Variants in AP1G1 observed in about 807,000 individuals in gnomAD.
AP1G1 encodes adaptor related protein complex 1 subunit gamma 1.
In AP1G1, 7 loss-of-function variants were observed where a neutral mutation model predicts 108.3. The ratio of observed to expected loss-of-function variants is 0.06; its 90% confidence interval spans 0.04 to 0.12. The LOEUF is 0.12. Among genes scored for constraint, AP1G1 ranks in the 10% least tolerant of loss-of-function variants. The pLI is 1.00. For synonymous variants in AP1G1, 379 were observed against 353.5 expected (o/e 1.07, Z -0.81); for missense variants, 756 against 1,010.7 (o/e 0.75, Z 3.42).
At chr16:71,789,131 T>C (rs1438620460) in intron 2 of AP1G1, 148 bp downstream of exon 2, 3 of 705,382 alleles carry the variant, frequency 4.3e-6, no homozygotes, top group East Asian at 5.4e-5. Flanking sequence ...TCCAGGTCTG[T>C]GGCTTGCTCT....
rs887221902 is a variant in AP1G1 at position 71,749,756 on chromosome 16, G to A, written c.1497+138C>T. ...TGCTCCCATCTCAGCCTCCCAAAGC[G>A]CTGGGATTATAGGCATGAGCCACCA... On this transcript the variant is annotated intron_variant, in intron 15 of 22. Transcript: ENST00000299980. 5.7e-5 allele frequency: 40 copies of A among 702,846 alleles called. No homozygotes were observed. In the African/African-American group the frequency reaches 5.8e-4, roughly 10 times the overall value. 43.5% of individuals were successfully genotyped at this position (702,846 alleles called of 1,614,324 possible).
At chr16:71,734,435 T>C in intron 22 of AP1G1, 174 bp downstream of exon 22, 3 of 578,840 alleles carry the variant, frequency 5.2e-6, no homozygotes, top group South Asian at 2.5e-5. Context: ...AGCCACCTGA[T>C]GTCTCTGGGT....
At chr16:71,760,640 G>A (rs973665386) in intron 10 of AP1G1, among the ~76,000 whole-genome samples, 4 of 152,016 alleles carry the variant, frequency 2.6e-5, no homozygotes, top group Non-Finnish European at 5.9e-5. Context: ...AACCTCCTGG[G>A]TTCAGGTGAT....
At chr16:71,802,121 T>C (rs2032823332) in intron 1 of AP1G1, among the ~76,000 whole-genome samples, 1 of 152,146 alleles carries the variant, frequency 6.6e-6, no homozygotes, top group Non-Finnish European at 1.5e-5. Context: ...CTAACTTATA[T>C]AAATGATTAT....
chr16:71,756,855 T>C (rs954113948), intron 11 of AP1G1, among the ~76,000 whole-genome samples: 18 of 150,754 alleles, frequency 1.2e-4, no homozygotes, highest in African/African-American at 3.7e-4. Flanking sequence ...GGTAGGAGAA[T>C]TGCTTGAACC....
intron 1 of AP1G1, among the ~76,000 whole-genome samples, 170 bp from the exon 2 acceptor site, chr16:71,789,652 C>G (rs1054709669): frequency 6.6e-6 from 1 of 152,160 alleles, no homozygotes; most frequent in Non-Finnish European, 1.5e-5. Context: ...CTATTACATA[C>G]AGACCTCTCA....
chr16:71,761,466 T>C (rs1238181985), intron 10 of AP1G1, 46 bp downstream of exon 10: 3 of 1,312,632 alleles, frequency 2.3e-6, no homozygotes, highest in Admixed American at 3.4e-5. Context: ...CTTAAAATAC[T>C]GGGCTTATAA....
intron 1 of AP1G1, among the ~76,000 whole-genome samples, chr16:71,797,236 A>T (rs1180411103): frequency 6.6e-6 from 1 of 152,110 alleles, no homozygotes; most frequent in African/African-American, 2.4e-5. Flanking sequence ...TTTGGCTTAA[A>T]GACATGACCC....
chr16:71,799,871 C>G (rs1289981241), intron 1 of AP1G1, among the ~76,000 whole-genome samples: 1 of 150,742 alleles, frequency 6.6e-6, no homozygotes, highest in African/African-American at 2.4e-5. Context: ...TGCACTCCAG[C>G]CTTCGTGACA....
intron 2 of AP1G1, among the ~76,000 whole-genome samples, chr16:71,775,937 A>G (rs965609744): frequency 8.5e-5 from 13 of 152,198 alleles, no homozygotes; most frequent in African/African-American, 2.9e-4. Context: ...CCACCTTCAA[A>G]ATCACTTTGA....
chr16:71,754,283 A>G (rs1212616027), intron 12 of AP1G1, among the ~76,000 whole-genome samples: 1 of 151,352 alleles, frequency 6.6e-6, no homozygotes, highest in Non-Finnish European at 1.5e-5. Context: ...AGAAGATGGA[A>G]GGAAAGAAGG....
chr16:71,761,647 G>A, intron 9 of AP1G1, 80 bp from the exon 10 acceptor site: 1 of 1,039,938 alleles, frequency 9.6e-7, no homozygotes, highest in Non-Finnish European at 1.5e-6. Context: ...ATCACTTCAT[G>A]ACCTCTGGTG....
At chr16:71,805,580 A>G (rs1231693794) in intron 1 of AP1G1, among the ~76,000 whole-genome samples, 1 of 152,222 alleles carries the variant, frequency 6.6e-6, no homozygotes, top group Non-Finnish European at 1.5e-5. Flanking sequence ...ATAGCAATTA[A>G]GTCCTGCTAT....
chr16:71,771,406 G>A (rs980993189), intron 4 of AP1G1, among the ~76,000 whole-genome samples, 154 bp from the exon 5 acceptor site: 4 of 152,068 alleles, frequency 2.6e-5, no homozygotes, highest in Non-Finnish European at 1.5e-5. Context: ...TTTATGGCTC[G>A]ACACAGTGAT....
At chr16:71,745,066 G>T in intron 19 of AP1G1, 78 bp downstream of exon 19, 13 of 1,520,042 alleles carry the variant, frequency 8.6e-6, no homozygotes, top group Non-Finnish European at 1.2e-5. Context: ...TCACGTGCTG[G>T]AAAGTCTGGG....
At chr16:71,761,443 G>T in intron 10 of AP1G1, 69 bp downstream of exon 10, 3 of 1,105,050 alleles carry the variant, frequency 2.7e-6, no homozygotes, top group African/African-American at 1.5e-5. Flanking sequence ...GTATGATCTT[G>T]AGCAGAATCG....
chr16:71,756,234 T>C, intron 11 of AP1G1, 75 bp from the exon 12 acceptor site: 4 of 1,359,540 alleles, frequency 2.9e-6, no homozygotes, highest in Non-Finnish European at 4.0e-6. Flanking sequence ...GTATGCACTC[T>C]GTGAACACCA....
At position 71,749,318 on chromosome 16, in the gene AP1G1, C is replaced by CA. The variant is rs200645649; in HGVS notation, c.1497+575dup. On this transcript the variant is annotated intron_variant, in intron 15 of 22. Transcript: ENST00000299980. ...GCAACACGGTGAAACCCTGTCTCTA[C>CA]AAAAAAAAAGTAGAATAAACTAGCC... Among the ~76,000 whole-genome samples the CA allele has an allele frequency of 1.6e-3, 242 of 149,706 alleles. 1 individual carries two copies. The highest frequency in any genetic ancestry group is 0.01 in the Middle Eastern group (3 of 290).
chr16:71,806,037 A>T (rs1048864164), intron 1 of AP1G1, among the ~76,000 whole-genome samples: 6 of 151,714 alleles, frequency 4.0e-5, no homozygotes, highest in Admixed American at 6.6e-5. Flanking sequence ...ATAATAAAAA[A>T]AAAAAAAAAG....
Sources: allele counts gnomAD v4.1 joint callset (sites outside exome capture counted in the v4.1 genomes callset), GRCh38; gene constraint gnomAD v4.1.1; transcripts MANE v1.5; gene names NCBI Gene and HGNC (gene_info 2026-07-23, HGNC 2026-07-21).